Variants in DCHS2 observed in about 807,000 individuals in gnomAD.
DCHS2 encodes dachsous cadherin-related 2.
In DCHS2, 142 loss-of-function variants were observed where a neutral mutation model predicts 182.4. The observed-to-expected ratio is 0.78, with a 90% confidence interval of 0.68 to 0.89. The LOEUF is 0.89. DCHS2 is among the 40% of genes least tolerant of loss of function. The probability of loss-of-function intolerance (pLI) is 0.00; values close to 1 mark genes in which losing one functional copy is unlikely to be tolerated. For synonymous variants in DCHS2, 1,740 were observed against 1,663.3 expected (o/e 1.05, Z -1.12); for missense variants, 4,319 against 4,198.6 (o/e 1.03, Z -0.79).
At chr4:154,317,702 T>A (rs1735912239) in intron 9 of DCHS2, among the ~76,000 whole-genome samples, 1 of 152,122 alleles carries the variant, frequency 6.6e-6, no homozygotes, top group Non-Finnish European at 1.5e-5. Flanking sequence ...ATTTTTAAAG[T>A]CATAAGACTG....
At chr4:154,342,797 A>T (rs1729169127) in intron 3 of DCHS2, among the ~76,000 whole-genome samples, 1 of 152,134 alleles carries the variant, frequency 6.6e-6, no homozygotes, top group Admixed American at 6.5e-5. Context: ...CTCCTATGTT[A>T]ACCTCCCTCC....
intron 1 of DCHS2, chr4:154,384,293 C>T: frequency 6.4e-7 from 1 of 1,559,688 alleles, no homozygotes; most frequent in Non-Finnish European, 8.6e-7. Flanking sequence ...CTAGTCATTG[C>T]CTCCTTATTG....
At chr4:154,305,034 A>C in intron 11 of DCHS2, 63 bp downstream of exon 11, 1 of 1,510,312 alleles carries the variant, frequency 6.6e-7, no homozygotes, top group East Asian at 2.5e-5. Context: ...TCACCACTTA[A>C]CAGGTTTTTT....
At position 154,339,518 on chromosome 4, in the gene DCHS2, C is replaced by T. The variant is rs201880212; in HGVS notation, c.2477-4414G>A. Among the ~76,000 whole-genome samples, 10 of 150,688 alleles carry T rather than the reference C, an allele frequency of 6.6e-5. No individual in the cohort carries two copies. The East Asian group carries it at 9.8e-4, about 15-fold the overall frequency. On this transcript the variant is annotated intron_variant, in intron 3 of 19. Transcript: ENST00000357232. Reference sequence around the variant, plus strand: ...AGGCTGGAGTGCAGTGGCGTGATCTCGGCTCACTGCAACCTCTGCCTCCTG... The same window carrying T: ...AGGCTGGAGTGCAGTGGCGTGATCTTGGCTCACTGCAACCTCTGCCTCCTG...
intron 13 of DCHS2, among the ~76,000 whole-genome samples, chr4:154,280,916 C>G (rs1389827558): frequency 2.0e-5 from 3 of 151,830 alleles, no homozygotes; most frequent in African/African-American, 7.3e-5. Flanking sequence ...CAACCTCTGC[C>G]TCCAAGGTTG....
chr4:154,458,910 C>T (rs571056995), intron 1 of DCHS2, among the ~76,000 whole-genome samples: 2 of 152,204 alleles, frequency 1.3e-5, no homozygotes, highest in African/African-American at 4.8e-5. Context: ...CCCCAAAAAA[C>T]AATGAAAACA....
intron 1 of DCHS2, among the ~76,000 whole-genome samples, chr4:154,394,313 C>T (rs1242346908): frequency 1.3e-5 from 2 of 152,150 alleles, no homozygotes; most frequent in Non-Finnish European, 2.9e-5. Flanking sequence ...AAGGTCAGTG[C>T]AAAGGGATTA....
intron 3 of DCHS2, among the ~76,000 whole-genome samples, chr4:154,363,714 C>G (rs1250828471): frequency 6.6e-6 from 1 of 152,016 alleles, no homozygotes; most frequent in East Asian, 1.9e-4. Context: ...ATATTCTCAC[C>G]ACAAAAAATT....
intron 1 of DCHS2, among the ~76,000 whole-genome samples, chr4:154,382,797 A>T (rs1272871219): frequency 2.6e-5 from 4 of 152,198 alleles, no homozygotes; most frequent in Non-Finnish European, 5.9e-5. Flanking sequence ...CCACAATGAG[A>T]TGTCATCTTG....
intron 3 of DCHS2, among the ~76,000 whole-genome samples, chr4:154,351,281 C>T (rs1050594477): frequency 1.3e-5 from 2 of 152,114 alleles, no homozygotes; most frequent in African/African-American, 2.4e-5. Flanking sequence ...TACAGACTCT[C>T]AATGGGAGTG....
In DCHS2 at chr4:154,329,123, T is replaced by G. The variant is rs1390867069; in HGVS notation, c.3918+400A>C. 2.6e-5 allele frequency among the ~76,000 whole-genome samples: 4 copies of G among 152,196 alleles called. No individual in the cohort carries two copies. The South Asian group carries it at 8.3e-4, about 32-fold the overall frequency. ...TCTCTGGATTTCCACCTACCCACTT[T>G]AGAGCTACAGGTTGTTCCCCTACCC... is the stretch of plus-strand genomic sequence containing the variant. On this transcript the variant is annotated intron_variant, in intron 6 of 19. Coordinates refer to ENST00000357232, the MANE Select transcript of DCHS2 (RefSeq NM_001358235.2).
chr4:154,261,711 C>T (rs1271107858), intron 14 of DCHS2: 1 of 152,092 alleles, frequency 6.6e-6, no homozygotes, highest in African/African-American at 2.4e-5. Context: ...TATTAACTCA[C>T]TATACTACCA....
intron 3 of DCHS2, among the ~76,000 whole-genome samples, chr4:154,352,233 C>A (rs142424911): frequency 6.6e-6 from 1 of 152,308 alleles, no homozygotes; most frequent in East Asian, 1.9e-4. Context: ...CATCACCCCA[C>A]AAGTCACCCC....
intron 1 of DCHS2, among the ~76,000 whole-genome samples, chr4:154,415,709 A>AGGAAACCG (rs1732803970): frequency 6.6e-6 from 1 of 152,156 alleles, no homozygotes; most frequent in African/African-American, 2.4e-5. Context: ...GCTAATTAGG[A>AGGAAACCG]GGAAACCGAG....
intron 1 of DCHS2, among the ~76,000 whole-genome samples, chr4:154,419,939 A>G (rs1733034463): frequency 6.6e-6 from 1 of 152,088 alleles, no homozygotes. Flanking sequence ...ATGAAAAATC[A>G]GAGTATATCC....
intron 1 of DCHS2, among the ~76,000 whole-genome samples, chr4:154,451,343 T>C (rs1734525775): frequency 6.6e-6 from 1 of 152,294 alleles, no homozygotes; most frequent in Admixed American, 6.5e-5. Context: ...TTAATAGAAA[T>C]TGGACACTTA....
chr4:154,331,572 T>G, intron 5 of DCHS2: 10 of 1,602,472 alleles, frequency 6.2e-6, no homozygotes, highest in Non-Finnish European at 8.5e-6. Context: ...CCATCTGCTG[T>G]GAAAGGTCAC....
intron 1 of DCHS2, among the ~76,000 whole-genome samples, chr4:154,465,047 C>T (rs1488033248): frequency 6.6e-6 from 1 of 152,200 alleles, no homozygotes; most frequent in East Asian, 1.9e-4. Flanking sequence ...TTATCAGTTG[C>T]TGCATACAAC....
chr4:154,414,956 C>T (rs1179207802), intron 1 of DCHS2, among the ~76,000 whole-genome samples: 4 of 152,160 alleles, frequency 2.6e-5, no homozygotes, highest in African/African-American at 4.8e-5. Flanking sequence ...TCCTTGACAG[C>T]TGCTAAGAAG....
Sources: allele counts gnomAD v4.1 joint callset (sites outside exome capture counted in the v4.1 genomes callset), GRCh38; gene constraint gnomAD v4.1.1; transcripts MANE v1.5; gene names NCBI Gene and HGNC (gene_info 2026-07-23, HGNC 2026-07-21).